The following TYW1B variants were observed in gnomAD, a reference collection of about 807,000 sequenced individuals.
The protein encoded by TYW1B is S-adenosyl-L-methionine-dependent tRNA 4-demethylwyosine synthase TYW1B.
TYW1B carries 73 observed loss-of-function variants against 86.9 expected under a neutral mutation model. The observed-to-expected ratio is 0.84, with a 90% CI of 0.70 to 1.02. The LOEUF (loss-of-function observed/expected upper bound fraction) is 1.02. Ranked by LOEUF, TYW1B falls within the 50% of genes least tolerant of loss-of-function variation. TYW1B has a pLI of 0.00. For synonymous variants in TYW1B, 248 were observed against 292.8 expected, an observed-to-expected ratio of 0.85 and a Z score of 1.56; for missense variants, 637 against 827.4, an observed-to-expected ratio of 0.77 and a Z score of 2.82.
intron 3 of TYW1B, among the ~76,000 whole-genome samples, chr7:72,812,374 G>C (rs1306802495): frequency 6.6e-6 from 1 of 152,132 alleles, no homozygotes; most frequent in Non-Finnish European, 1.5e-5. Context: ...CAGCGCTCCA[G>C]AAGTGTAGAT....
chr7:72,812,464 T>C (rs782688361), intron 3 of TYW1B, among the ~76,000 whole-genome samples: 3 of 152,160 alleles, frequency 2.0e-5, no homozygotes, highest in Non-Finnish European at 2.9e-5. Context: ...TTTGAATTCA[T>C]CTTAAGAGTT....
chr7:72,745,435 A>C (rs1421684347), intron 7 of TYW1B, among the ~76,000 whole-genome samples: 3 of 152,166 alleles, frequency 2.0e-5, no homozygotes, highest in African/African-American at 7.2e-5. Context: ...AGGGATAAAA[A>C]CAAATATCAC....
At chr7:72,698,656 AAAAAG>A (rs1167423180) in intron 10 of TYW1B, among the ~76,000 whole-genome samples, 7 of 151,908 alleles carry the variant, frequency 4.6e-5, no homozygotes, top group Non-Finnish European at 5.9e-5. Context: ...AAAAAAAAAA[AAAAAG>A]AAAGAAAGAA....
At chr7:72,766,019 G>T (rs544935195) in intron 7 of TYW1B, among the ~76,000 whole-genome samples, 1 of 152,240 alleles carries the variant, frequency 6.6e-6, no homozygotes, top group East Asian at 1.9e-4. Context: ...ACAATCAACA[G>T]CCTCTGCTGG....
intron 13 of TYW1B, among the ~76,000 whole-genome samples, chr7:72,607,415 GAAGAAGA>G (rs1215430786): frequency 4.9e-5 from 6 of 122,348 alleles, no homozygotes; most frequent in African/African-American, 1.5e-4. Context: ...AAAAAGAAAA[GAAGAAGA>G]AAGAAGAAAG....
intron 10 of TYW1B, among the ~76,000 whole-genome samples, chr7:72,706,756 A>C (rs1197028066): frequency 6.6e-6 from 1 of 152,204 alleles, no homozygotes; most frequent in Non-Finnish European, 1.5e-5. Flanking sequence ...TCCTGGAAAA[A>C]ATAACTACTC....
chr7:72,793,951 A>G (rs1319441641), intron 6 of TYW1B, among the ~76,000 whole-genome samples: 2 of 152,246 alleles, frequency 1.3e-5, no homozygotes, highest in East Asian at 1.9e-4. Flanking sequence ...AAAACTGCCA[A>G]TCCAGCCTCT....
At chr7:72,796,282 C>T (rs1453465760) in intron 6 of TYW1B, among the ~76,000 whole-genome samples, 3 of 68,852 alleles carry the variant, frequency 4.4e-5, no homozygotes, top group Admixed American at 1.6e-4. Flanking sequence ...CTCGCTCTGT[C>T]GCCTAGGCTG....
chr7:72,597,568 G>A (rs1206209108), intron 13 of TYW1B, among the ~76,000 whole-genome samples: 17 of 151,764 alleles, frequency 1.1e-4, no homozygotes, highest in African/African-American at 2.2e-4. Flanking sequence ...CGTCTATGGC[G>A]GTACCACCCT....
At chr7:72,720,271 GGGA>G (rs1451863767) in intron 9 of TYW1B, among the ~76,000 whole-genome samples, 1 of 152,196 alleles carries the variant, frequency 6.6e-6, no homozygotes, top group Admixed American at 6.5e-5. Context: ...TAACAGGACA[GGGA>G]GGAGGACCAC....
chr7:72,785,054 C>A (rs1425142048), intron 6 of TYW1B, among the ~76,000 whole-genome samples: 3 of 151,870 alleles, frequency 2.0e-5, no homozygotes, highest in African/African-American at 7.3e-5. Context: ...ACCCCTAACA[C>A]CCCACTCCCC....
At chr7:72,678,619 C>CATTTT (rs1277384014) in intron 11 of TYW1B, among the ~76,000 whole-genome samples, 1 of 110,432 alleles carries the variant, frequency 9.1e-6, no homozygotes. Context: ...AATTCCAGCA[C>CATTTT]TTTTTTTTTT....
Position 72,706,094 on chromosome 7 carries a change from C to A in TYW1B, c.1370+7527G>T, listed in dbSNP as rs1814605775. Among the ~76,000 whole-genome samples, 3 of 152,164 alleles carry A rather than the reference C, an allele frequency of 2.0e-5. No individual in the cohort carries two copies. In the South Asian group the frequency reaches 6.2e-4, roughly 32 times the overall value. On this transcript the variant is annotated intron_variant, in intron 10 of 13. Coordinates refer to ENST00000620995, the MANE Select transcript of TYW1B (RefSeq NM_001145440.3). Reference sequence around the variant, plus strand: ...GCCACTTTTAAGAGGGAAAAGAATTCTTTGTGTATCAAAATGCGGATTGCA... The same window carrying A: ...GCCACTTTTAAGAGGGAAAAGAATTATTTGTGTATCAAAATGCGGATTGCA...
chr7:72,709,444 G>A (rs536072284), intron 10 of TYW1B, among the ~76,000 whole-genome samples: 10 of 150,918 alleles, frequency 6.6e-5, no homozygotes, highest in South Asian at 2.1e-4. Flanking sequence ...CAAGGCGGGC[G>A]GATCACAAGG....
At chr7:72,776,474 T>C (rs544752869) in intron 7 of TYW1B, among the ~76,000 whole-genome samples, 72 of 142,362 alleles carry the variant, frequency 5.1e-4, no homozygotes, top group African/African-American at 1.8e-3. Context: ...GGCAGGAGAA[T>C]CACTTGAACC....
intron 1 of TYW1B, 149 bp downstream of exon 1, chr7:72,827,923 C>T: frequency 2.7e-6 from 4 of 1,473,000 alleles, no homozygotes; most frequent in Non-Finnish European, 3.7e-6. Flanking sequence ...ATCGGTCCTC[C>T]TTGCTCTCAG....
chr7:72,797,807 G>T (rs1788329528), intron 6 of TYW1B, among the ~76,000 whole-genome samples: 2 of 152,130 alleles, frequency 1.3e-5, no homozygotes, highest in South Asian at 2.1e-4. Context: ...AAAGTAGGTA[G>T]CCGTGAGACT....
Position 72,713,778 on chromosome 7 carries a change from C to T in TYW1B, c.1213G>A (p.Glu405Lys), listed in dbSNP as rs547030047. 6 of 1,595,032 alleles carry T rather than the reference C, an allele frequency of 3.8e-6. No individual in the cohort carries two copies. The highest frequency in any genetic ancestry group is 1.3e-5 in the African/African-American group (1 of 74,462). Reference protein sequence around the residue: ...QFKGVPGVKAERFEEGMTVKH... With the variant: ...QFKGVPGVKAKRFEEGMTVKH... Reference sequence around the variant, plus strand: ...ACCGTCATTCCTTCTTCAAAGCGTTCTGCTTTGACGCCCGGTACTCCTGGA... The same window carrying T: ...ACCGTCATTCCTTCTTCAAAGCGTTTTGCTTTGACGCCCGGTACTCCTGGA... The change falls in exon 10 of 14, where the codon GAA becomes AAA. Residue 405 changes from glutamate to lysine, a missense_variant. Physicochemically the swap from Glu to Lys is moderately conservative, Grantham distance 56. Coordinates refer to ENST00000620995, the MANE Select transcript of TYW1B (RefSeq NM_001145440.3).
intron 13 of TYW1B, among the ~76,000 whole-genome samples, chr7:72,577,819 G>A (rs1554429037): frequency 1.3e-5 from 2 of 152,182 alleles, no homozygotes; most frequent in African/African-American, 2.4e-5. Context: ...GTCCTCTCAC[G>A]TGACGCCCAA....
Sources: gnomAD v4.1 joint callset for allele counts (sites outside exome capture counted in the v4.1 genomes callset) on GRCh38, gnomAD v4.1.1 for gene constraint, MANE v1.5 for transcripts, NCBI Gene and HGNC (gene_info 2026-07-23, HGNC 2026-07-21) for gene names.